The following PLB1 variants were observed in gnomAD, a reference collection of about 807,000 sequenced individuals.
PLB1 encodes the protein phospholipase B1, membrane-associated.
A neutral mutation model predicts 227.4 loss-of-function variants in PLB1; 242 were observed. The observed-to-expected ratio is 1.06, with a 90% CI of 0.96 to 1.18. PLB1 has a LOEUF of 1.18. PLB1 is among the 50% of genes most tolerant of loss of function. The pLI, the probability that PLB1 is intolerant of heterozygous loss-of-function variation, is 0.00. For synonymous variants in PLB1, 757 were observed against 682.2 expected, an observed-to-expected ratio of 1.11 and a Z score of -1.71; for missense variants, 1,858 against 1,816.3, an observed-to-expected ratio of 1.02 and a Z score of -0.42.
chr2:28,504,792 C>A (rs1194606015), intron 1 of PLB1, among the ~76,000 whole-genome samples: 1 of 152,134 alleles, frequency 6.6e-6, no homozygotes, highest in African/African-American at 2.4e-5. Context: ...TGAAATTTTA[C>A]AATTTTGATG....
chr2:28,615,785 C>T (rs1274497768), intron 44 of PLB1, among the ~76,000 whole-genome samples: 1 of 152,216 alleles, frequency 6.6e-6, no homozygotes, highest in Non-Finnish European at 1.5e-5. Context: ...TCTGGATCTG[C>T]CCTCTTGGTT....
chr2:28,626,067 C>G (rs1015546694), intron 50 of PLB1, among the ~76,000 whole-genome samples: 1 of 151,490 alleles, frequency 6.6e-6, no homozygotes, highest in African/African-American at 2.4e-5. Context: ...GCGATCTCAG[C>G]TCACTGCAGC....
chr2:28,600,274 G>C (rs35887981), intron 35 of PLB1, among the ~76,000 whole-genome samples: 1 of 152,202 alleles, frequency 6.6e-6, no homozygotes, highest in African/African-American at 2.4e-5. Context: ...CTTTTTGAAA[G>C]AACCATTTAG....
At chr2:28,534,077 G>A (rs1404502998) in intron 9 of PLB1, among the ~76,000 whole-genome samples, 1 of 152,098 alleles carries the variant, frequency 6.6e-6, no homozygotes, top group Non-Finnish European at 1.5e-5. Flanking sequence ...ATTTAATATA[G>A]TGTTATATTG....
At chr2:28,632,387 G>A (rs968407183) in intron 55 of PLB1, among the ~76,000 whole-genome samples, 6 of 151,648 alleles carry the variant, frequency 4.0e-5, no homozygotes, top group African/African-American at 1.5e-4. Context: ...TTTCTGGATT[G>A]GGATAGAATG....
At chr2:28,565,084 G>A (rs1676654913) in intron 18 of PLB1, among the ~76,000 whole-genome samples, 196 bp from the exon 19 acceptor site, 1 of 152,174 alleles carries the variant, frequency 6.6e-6, no homozygotes, top group African/African-American at 2.4e-5. Context: ...GTAGCACCAG[G>A]CATTCCCAGT....
Position 28,579,614 on chromosome 2 carries a change from C to G in PLB1, c.1486-13C>G. The G allele has an allele frequency of 6.2e-7, 1 of 1,602,798 alleles. No individual in the cohort carries two copies. The highest frequency in any genetic ancestry group is 1.3e-5 in the African/African-American group (1 of 74,782). ...GGACAAGGTGCTTACTTCTGTGTTT[C>G]TATTCATTTCAGAGGATACACTTTC... On this transcript the variant is annotated splice_polypyrimidine_tract_variant and intron_variant, in intron 22 of 57. Coordinates refer to ENST00000327757, the MANE Select transcript of PLB1 (RefSeq NM_153021.5).
At position 28,565,328 on chromosome 2, in the gene PLB1, ACT is replaced by A. The variant is rs962488233; in HGVS notation, c.1257_1258del (p.Gln420ValfsTer12). The A allele has an allele frequency of 6.2e-7, 1 of 1,611,068 alleles. No individual in the cohort carries two copies. The highest frequency in any genetic ancestry group is 1.3e-5 in the African/African-American group (1 of 75,004). On this transcript the variant is annotated frameshift_variant, in exon 19 of 58. Transcript: ENST00000327757. LOFTEE classifies it high-confidence loss of function. ...STPGNVLDVL[T>X]QYRGLSWSVG... is the part of the protein sequence containing the mutation. ...ACCTGGGAACGTCTTGGACGTCTTG[ACT>A]CAGTACCGAGGCCTGTCCTGGAGGT...
chr2:28,585,985 G>A (rs1680842102), intron 26 of PLB1, 143 bp downstream of exon 26: 1 of 708,546 alleles, frequency 1.4e-6, no homozygotes, highest in Non-Finnish European at 2.5e-6. Flanking sequence ...AAAACACCCT[G>A]AGACACAGCA....
chr2:28,555,377 G>A (rs1674915165), intron 17 of PLB1, among the ~76,000 whole-genome samples: 1 of 152,100 alleles, frequency 6.6e-6, no homozygotes, highest in South Asian at 2.1e-4. Context: ...CCTGACCTCA[G>A]GTGATCCACC....
At chr2:28,553,846 T>G (rs1674609567) in intron 17 of PLB1, among the ~76,000 whole-genome samples, 1 of 151,978 alleles carries the variant, frequency 6.6e-6, no homozygotes, top group South Asian at 2.1e-4. Flanking sequence ...AAACAGAAAA[T>G]TAAGTTTGGG....
intron 25 of PLB1, 57 bp downstream of exon 25, chr2:28,582,562 G>A: frequency 7.7e-7 from 1 of 1,299,468 alleles, no homozygotes; most frequent in Non-Finnish European, 1.1e-6. Flanking sequence ...AAGGGCAGTG[G>A]CACCCTTAGC....
rs752136282 is a variant in PLB1 at position 28,590,081 on chromosome 2, A to G, written c.2088+5A>G. 6.5e-5 allele frequency: 105 copies of G among 1,608,330 alleles called. No homozygotes were observed. Among genetic ancestry groups the G allele is most frequent in the Non-Finnish European group, 8.4e-5 (99 of 1,174,836 alleles). On this transcript the variant is annotated splice_donor_5th_base_variant and intron_variant, in intron 29 of 57. Coordinates refer to ENST00000327757, the MANE Select transcript of PLB1 (RefSeq NM_153021.5). ...AATATCACATGTCCGAACCAGGTAG[A>G]GTGGAAAGCACGTCCTTCCAGGCTC...
intron 1 of PLB1, among the ~76,000 whole-genome samples, chr2:28,504,279 A>G (rs1429524903): frequency 6.6e-6 from 1 of 152,196 alleles, no homozygotes; most frequent in Admixed American, 6.5e-5. Context: ...TAGCTTATTC[A>G]GTCTCCTTCA....
chr2:28,638,407 T>C (rs72851604), intron 56 of PLB1, among the ~76,000 whole-genome samples: 8,462 of 152,022 alleles, frequency 0.056, 829 homozygotes, highest in African/African-American at 0.19. Flanking sequence ...GGTGAAAAAG[T>C]TGGGCAGGGG....
At chr2:28,607,204 C>T (rs11685766) in intron 43 of PLB1, among the ~76,000 whole-genome samples, 37,306 of 152,128 alleles carry the variant, frequency 0.25, 4,854 homozygotes, top group East Asian at 0.34. Context: ...TTTCTAGGCC[C>T]GGTCTTATGG....
chr2:28,616,266 T>G (rs1170612790), intron 44 of PLB1, among the ~76,000 whole-genome samples: 3 of 152,210 alleles, frequency 2.0e-5, no homozygotes, highest in African/African-American at 7.2e-5. Flanking sequence ...ATATTTGAAG[T>G]GAGGGATAGG....
chr2:28,643,027 A>G lies in PLB1; in HGVS notation c.4343A>G (p.Asp1448Gly). ...TGCAGGAGAGGTGGCCGGAGGGAAG[A>G]TCCTCCAATGAGCCTGCGCACTGTG... ...WRCRRGGRREDPPMSLRTVAL is the reference protein window; with the variant it reads ...WRCRRGGRREGPPMSLRTVAL The change falls in exon 58 of 58, where the codon GAT becomes GGT. Residue 1448 changes from aspartate (D) to glycine (G), a missense_variant. Coordinates refer to ENST00000327757, the MANE Select transcript of PLB1 (RefSeq NM_153021.5). 6.2e-7 allele frequency: 1 copy of G among 1,609,988 alleles called. No homozygotes were observed. Among genetic ancestry groups the G allele is most frequent in the Non-Finnish European group, 8.5e-7 (1 of 1,178,516 alleles).
chr2:28,591,998 G>A (rs866797527), intron 31 of PLB1, among the ~76,000 whole-genome samples: 5 of 152,120 alleles, frequency 3.3e-5, no homozygotes, highest in South Asian at 2.1e-4. Flanking sequence ...GCCCACCTGC[G>A]CCTCTTAGAG....
Sources: gnomAD v4.1 joint callset for allele counts (sites outside exome capture counted in the v4.1 genomes callset) on GRCh38, gnomAD v4.1.1 for gene constraint, MANE v1.5 for transcripts, NCBI Gene and HGNC (gene_info 2026-07-23, HGNC 2026-07-21) for gene names.